VWC2: variants seen among roughly 807,000 people sequenced by gnomAD.
VWC2 encodes the protein von Willebrand factor C domain containing 2, also known as brorin.
VWC2 carries 14 observed loss-of-function variants against 29.8 expected under a neutral mutation model. The observed-to-expected ratio is 0.47, with a 90% CI of 0.31 to 0.74. VWC2 has a LOEUF of 0.74. Among genes scored for constraint, VWC2 ranks in the 30% least tolerant of loss-of-function variants. VWC2 has a pLI of 0.05. For missense variants in VWC2, 457 were observed against 459.8 expected (o/e 0.99, Z 0.05); for synonymous variants, 213 against 199.0 (o/e 1.07, Z -0.59).
chr7:49,832,298 A>G (rs537010), intron 3 of VWC2, among the ~76,000 whole-genome samples: 137,131 of 152,164 alleles, frequency 0.9, 61,981 homozygotes, highest in East Asian at 0.94. Flanking sequence ...AGATCTAATT[A>G]GCTTTTATTT....
At chr7:49,842,172 C>A (rs1259079416) in intron 3 of VWC2, among the ~76,000 whole-genome samples, 3 of 152,128 alleles carry the variant, frequency 2.0e-5, no homozygotes, top group Non-Finnish European at 1.5e-5. Flanking sequence ...CTGGCCAATT[C>A]AACTCTTTTA....
At chr7:49,783,944 A>G (rs1362955232) in intron 2 of VWC2, among the ~76,000 whole-genome samples, 1 of 152,194 alleles carries the variant, frequency 6.6e-6, no homozygotes, top group Admixed American at 6.5e-5. Flanking sequence ...TTAAAATGCC[A>G]GGTGGCTCTG....
intron 3 of VWC2, among the ~76,000 whole-genome samples, chr7:49,845,011 G>A (rs1221586028): frequency 2.0e-5 from 3 of 152,094 alleles, no homozygotes; most frequent in African/African-American, 7.2e-5. Context: ...TCATTTTTGG[G>A]CTTCACTTTT....
intron 3 of VWC2, among the ~76,000 whole-genome samples, chr7:49,848,319 C>A (rs1198881181): frequency 1.3e-5 from 2 of 152,216 alleles, no homozygotes; most frequent in African/African-American, 4.8e-5. Context: ...TTTCCAGGAT[C>A]TTCTCTCTCC....
chr7:49,868,168 G>C (rs1284909125), intron 3 of VWC2, among the ~76,000 whole-genome samples: 1 of 152,102 alleles, frequency 6.6e-6, no homozygotes, highest in Non-Finnish European at 1.5e-5. Context: ...GAAAACCCAA[G>C]TGAATGATTC....
intron 3 of VWC2, among the ~76,000 whole-genome samples, chr7:49,896,898 T>C (rs1792410920): frequency 1.4e-5 from 2 of 145,488 alleles, no homozygotes; most frequent in African/African-American, 2.5e-5. Context: ...TTTTTTTTTT[T>C]TTTTTTTTGA....
At chr7:49,906,972 AG>A (rs1793133592) in intron 3 of VWC2, among the ~76,000 whole-genome samples, 1 of 152,208 alleles carries the variant, frequency 6.6e-6, no homozygotes, top group African/African-American at 2.4e-5. Flanking sequence ...TCCTAAATGC[AG>A]GGGGACCAGT....
chr7:49,893,709 C>A (rs963543677), intron 3 of VWC2, among the ~76,000 whole-genome samples: 1 of 150,656 alleles, frequency 6.6e-6, no homozygotes, highest in Non-Finnish European at 1.5e-5. Flanking sequence ...AAAGGGAAAT[C>A]GAAATACAAT....
chr7:49,837,036 G>C (rs935467600), intron 3 of VWC2, among the ~76,000 whole-genome samples: 2 of 152,188 alleles, frequency 1.3e-5, no homozygotes, highest in African/African-American at 2.4e-5. Context: ...TAACTTATTT[G>C]ATTTGTGTGA....
intron 3 of VWC2, among the ~76,000 whole-genome samples, chr7:49,812,785 C>T (rs990794218): frequency 1.3e-5 from 2 of 152,158 alleles, no homozygotes; most frequent in African/African-American, 4.8e-5. Flanking sequence ...ATAGTCTGAT[C>T]AGTTGGCTGC....
intron 3 of VWC2, among the ~76,000 whole-genome samples, chr7:49,886,183 T>G (rs965153550): frequency 6.6e-5 from 10 of 152,092 alleles, no homozygotes; most frequent in Non-Finnish European, 7.4e-5. Flanking sequence ...CACCACAGTG[T>G]GGGGTGAGGG....
At chr7:49,907,448 A>G (rs896932836) in intron 3 of VWC2, among the ~76,000 whole-genome samples, 3 of 152,226 alleles carry the variant, frequency 2.0e-5, no homozygotes, top group East Asian at 1.9e-4. Flanking sequence ...TTTAAATTAC[A>G]TAACAGTAGG....
chr7:49,779,240 C>T (rs1221301996), intron 2 of VWC2, among the ~76,000 whole-genome samples: 1 of 152,204 alleles, frequency 6.6e-6, no homozygotes, highest in African/African-American at 2.4e-5. Flanking sequence ...TTTGTTGCTG[C>T]TTTCTCTACT....
intron 2 of VWC2, among the ~76,000 whole-genome samples, chr7:49,777,521 C>T (rs886113046): frequency 6.6e-6 from 1 of 152,198 alleles, no homozygotes; most frequent in Admixed American, 6.5e-5. Flanking sequence ...GGTTTCTTTT[C>T]TCTTATCTGT....
chr7:49,783,830 A>G (rs1788232370), intron 2 of VWC2, among the ~76,000 whole-genome samples: 1 of 152,134 alleles, frequency 6.6e-6, no homozygotes, highest in African/African-American at 2.4e-5. Context: ...TGGGAGGATC[A>G]CTTGAGCCCA....
chr7:49,810,640 A>C (rs1410857708), intron 3 of VWC2, among the ~76,000 whole-genome samples: 3 of 152,198 alleles, frequency 2.0e-5, no homozygotes, highest in Non-Finnish European at 4.4e-5. Context: ...GAAAATCACA[A>C]TAATCAAGAT....
intron 2 of VWC2, among the ~76,000 whole-genome samples, chr7:49,787,905 T>A (rs561227511): frequency 6.6e-6 from 1 of 152,288 alleles, no homozygotes; most frequent in South Asian, 2.1e-4. Flanking sequence ...CAGCAAGGGA[T>A]GACAGATATA....
chr7:49,823,356 GA>G (rs1789308200), intron 3 of VWC2, among the ~76,000 whole-genome samples: 1 of 151,984 alleles, frequency 6.6e-6, no homozygotes, highest in East Asian at 1.9e-4. Flanking sequence ...CATACGGAAG[GA>G]AAAAAGACTA....
intron 3 of VWC2, among the ~76,000 whole-genome samples, chr7:49,886,263 T>C (rs1380826819): frequency 6.6e-6 from 1 of 152,210 alleles, no homozygotes; most frequent in African/African-American, 2.4e-5. Context: ...GAATCACTTT[T>C]AGTAAAAGTC....
Sources: gnomAD v4.1 joint callset for allele counts (sites outside exome capture counted in the v4.1 genomes callset) on GRCh38, gnomAD v4.1.1 for gene constraint, MANE v1.5 for transcripts, NCBI Gene and HGNC (gene_info 2026-07-23, HGNC 2026-07-21) for gene names.